AP5S1: variants seen among roughly 807,000 people sequenced by gnomAD.
AP5S1 encodes the protein adaptor related protein complex 5 subunit sigma 1, also known as AP-5 complex subunit sigma-1.
A neutral mutation model predicts 13.9 loss-of-function variants in AP5S1; 13 were observed. The observed-to-expected ratio is 0.94, with a 90% CI of 0.61 to 1.49. The LOEUF is 1.49. Ranked by LOEUF, AP5S1 falls within the 40% of genes most tolerant of loss-of-function variation. The pLI, the probability that AP5S1 is intolerant of heterozygous loss-of-function variation, is 0.00. For missense variants in AP5S1, 292 were observed against 272.3 expected (o/e 1.07, Z -0.51); for synonymous variants, 132 against 121.8 (o/e 1.08, Z -0.55).
intron 1 of AP5S1, chr20:3,821,824 T>G (rs1486939478): frequency 1.3e-6 from 1 of 760,314 alleles, no homozygotes; most frequent in African/African-American, 1.9e-5. Context: ...TTTGTAGAAC[T>G]AGGTTTAGGG....
intron 1 of AP5S1, 59 bp downstream of exon 1, chr20:3,820,817 TG>T (rs1249898439): frequency 2.6e-5 from 4 of 152,150 alleles, no homozygotes; most frequent in African/African-American, 9.7e-5. Flanking sequence ...CGGCGCGGAG[TG>T]ATGACGCGCT....
chr20:3,822,156 G>C lies in AP5S1; in HGVS notation c.39G>C (p.Pro13=), dbSNP rs140021524. ...TCCTCATTCACACCTTGAGGGCCCC[G>C]AATACTGAGGACACGGGCCTTTGCC... is the stretch of plus-strand genomic sequence containing the variant. ...HAFLIHTLRA[P]NTEDTGLCRV... The change falls in exon 2 of 3, where the codon CCG becomes CCC. Residue 13 remains proline (P), a synonymous_variant. Coordinates refer to ENST00000615891, the MANE Select transcript of AP5S1 (RefSeq NM_018347.3). 1.9e-6 allele frequency: 3 copies of C among 1,614,124 alleles called. No homozygotes were observed. Among genetic ancestry groups the C allele is most frequent in the South Asian group, 2.2e-5 (2 of 91,082 alleles).
rs2146727816 is a variant in AP5S1 at position 3,820,641 on chromosome 20, A to C, written c.-134A>C. On this transcript the variant is annotated 5_prime_UTR_variant, in exon 1 of 3. Transcript: ENST00000615891. ...TGAGGCGACGCCTCGACGACAGCGG[A>C]CCGGAGCTGCAGGGGCAACACATTC... The C allele has an allele frequency of 1.3e-5, 2 of 152,378 alleles. No homozygotes were observed. Among genetic ancestry groups the C allele is most frequent in the Admixed American group, 1.3e-4 (2 of 15,308 alleles). The allele number at this position is 152,378 out of a possible 1,614,324, so 9.4% of individuals were successfully genotyped here. A position where few individuals can be genotyped will look rare whatever the true frequency, so the allele number is the denominator to read the frequency against.
rs1404505907 is a variant in AP5S1, at chr20:3,824,245, A to T, written c.551A>T (p.Asp184Val). 1.9e-6 allele frequency: 3 copies of T among 1,613,902 alleles called. No homozygotes were observed. Among genetic ancestry groups the T allele is most frequent in the African/African-American group, 2.7e-5 (2 of 74,888 alleles). ...LPHGQLLFLN[D>V]QFVQGLEKEF... ...CATGGTCAGCTGCTTTTCCTCAACG[A>T]CCAGTTTGTCCAAGGCCTGGAGAAG... The change falls in exon 3 of 3, where the codon GAC becomes GTC. Residue 184 changes from aspartate (D) to valine (V), a missense_variant. Physicochemically the swap from Asp to Val is radical, Grantham distance 152. Transcript: ENST00000615891.
At position 3,825,432 on chromosome 20, in the gene AP5S1, ATC is replaced by A. The variant is rs748565035; in HGVS notation, c.*1140_*1141del. The stretch of plus-strand genomic sequence containing the variant: ...CTAGGAGGCTTCTTGGGATGCCTCC[ATC>A]TCTCATCCCCACCTCACCTCTGTCT... On this transcript the variant is annotated 3_prime_UTR_variant, in exon 3 of 3. Transcript: ENST00000615891. 6.6e-6 allele frequency: 1 copy of A among 152,246 alleles called. No individual in the cohort carries two copies. The highest frequency in any genetic ancestry group is 1.5e-5 in the Non-Finnish European group (1 of 68,072). 9.4% of individuals were successfully genotyped at this position (152,246 alleles called of 1,614,324 possible).
chr20:3,827,589 A>T lies in AP5S1; in HGVS notation c.*3292A>T, dbSNP rs947645939. ...ATGAAGTCACAGGTTTTAAGGCAGG[A>T]ACTGGCCTGCATGTATGTGGGTCAC... On this transcript the variant is annotated 3_prime_UTR_variant, in exon 3 of 3. Transcript: ENST00000615891. 5 of 152,050 alleles carry T rather than the reference A, an allele frequency of 3.3e-5. No homozygotes were observed. The highest frequency in any genetic ancestry group is 5.9e-5 in the Non-Finnish European group (4 of 68,038). 9.4% of individuals were successfully genotyped at this position (152,050 alleles called of 1,614,324 possible).
rs1472235406 is a variant in AP5S1 at position 3,826,233 on chromosome 20, G to A, written c.*1936G>A. 6.6e-6 allele frequency: 1 copy of A among 152,212 alleles called. No individual in the cohort carries two copies. Among genetic ancestry groups the A allele is most frequent in the Admixed American group, 6.5e-5 (1 of 15,270 alleles). The allele number at this position is 152,212 out of a possible 1,614,324, so 9.4% of individuals were successfully genotyped here. On this transcript the variant is annotated 3_prime_UTR_variant, in exon 3 of 3. Transcript: ENST00000615891. Reference sequence around the variant, plus strand: ...CCACCACTGTCAACATAATTGGGATGAGGCCACCTTTTCCATTTTATGGTG... The same window carrying A: ...CCACCACTGTCAACATAATTGGGATAAGGCCACCTTTTCCATTTTATGGTG...
chr20:3,821,273 A>G (rs1347126813), intron 1 of AP5S1, among the ~76,000 whole-genome samples: 3 of 152,198 alleles, frequency 2.0e-5, no homozygotes, highest in Admixed American at 2.0e-4. Flanking sequence ...ATCGGGTAAC[A>G]TTGGTCAAGA....
rs1057359140 is a variant in AP5S1 at position 3,824,303 on chromosome 20, C to T, written c.*6C>T. 1.2e-5 allele frequency: 19 copies of T among 1,606,734 alleles called. No homozygotes were observed. Among genetic ancestry groups the T allele is most frequent in the East Asian group, 1.1e-4 (5 of 44,750 alleles). ...GTGCCGCTTGGCCCCGCTGATTCCTCGTTGGGATGGTGCTTCTGAGGGCAG... is the reference window on the plus strand; with the variant it reads ...GTGCCGCTTGGCCCCGCTGATTCCTTGTTGGGATGGTGCTTCTGAGGGCAG... On this transcript the variant is annotated 3_prime_UTR_variant, in exon 3 of 3. Transcript: ENST00000615891.
rs1403148242 is a variant in AP5S1, at chr20:3,825,471, T to A, written c.*1174T>A. On this transcript the variant is annotated 3_prime_UTR_variant, in exon 3 of 3. Coordinates refer to ENST00000615891, the MANE Select transcript of AP5S1 (RefSeq NM_018347.3). ...CCTCACCTCTGTCTCCTTAGAGGCC[T>A]CCTTTGGATGGTGGCACACATTTCT... 1.3e-5 allele frequency: 2 copies of A among 152,278 alleles called. No homozygotes were observed. The highest frequency in any genetic ancestry group is 3.8e-4 in the East Asian group (2 of 5,206). 9.4% of individuals were successfully genotyped at this position (152,278 alleles called of 1,614,324 possible).
chr20:3,824,369 C>T lies in AP5S1; in HGVS notation c.*72C>T, dbSNP rs2089609840. On this transcript the variant is annotated 3_prime_UTR_variant, in exon 3 of 3. Transcript: ENST00000615891. The stretch of plus-strand genomic sequence containing the variant: ...ACAGCCAGATGAAGCTTGGCATCTC[C>T]CTCCTACCCAGCAGCTCTGATGTGC... 2.1e-6 allele frequency: 3 copies of T among 1,448,066 alleles called. No homozygotes were observed. The highest frequency in any genetic ancestry group is 1.9e-6 in the Non-Finnish European group (2 of 1,056,442). 89.7% of individuals were successfully genotyped at this position (1,448,066 alleles called of 1,614,324 possible).
chr20:3,826,192 C>T lies in AP5S1; in HGVS notation c.*1895C>T, dbSNP rs2089623660. 2 of 152,258 alleles carry T rather than the reference C, an allele frequency of 1.3e-5. No homozygotes were observed. The highest frequency in any genetic ancestry group is 1.5e-5 in the Non-Finnish European group (1 of 68,082). 9.4% of individuals were successfully genotyped at this position (152,258 alleles called of 1,614,324 possible). ...CAAGTCCATGGCCAAGGCCACCAGCCATGCCAGGCCTTCTACCACCACTGT... is the reference window on the plus strand; with the variant it reads ...CAAGTCCATGGCCAAGGCCACCAGCTATGCCAGGCCTTCTACCACCACTGT... On this transcript the variant is annotated 3_prime_UTR_variant, in exon 3 of 3. Transcript: ENST00000615891.
intron 2 of AP5S1, chr20:3,823,459 G>C (rs1340580131): frequency 1.3e-6 from 1 of 795,750 alleles, no homozygotes; most frequent in Non-Finnish European, 1.5e-6. Flanking sequence ...CACTATGTTA[G>C]CCAGGATGGT....
In AP5S1 at chr20:3,826,790, A is replaced by G. The variant is rs1326956167; in HGVS notation, c.*2493A>G. ...TTCCACCACAATTTATGCTCACCAT[A>G]TATTTATCGAGCCTCCCTTGGGCCT... is the stretch of plus-strand genomic sequence containing the variant. On this transcript the variant is annotated 3_prime_UTR_variant, in exon 3 of 3. Transcript: ENST00000615891. The G allele has an allele frequency of 6.6e-6, 1 of 152,212 alleles. No individual in the cohort carries two copies. The highest frequency in any genetic ancestry group is 1.5e-5 in the Non-Finnish European group (1 of 68,104). The allele number at this position is 152,212 out of a possible 1,614,324, so 9.4% of individuals were successfully genotyped here. A position where few individuals can be genotyped will look rare whatever the true frequency, so the allele number is the denominator to read the frequency against.
rs1319939006 is a variant in AP5S1 at position 3,825,164 on chromosome 20, A to T, written c.*867A>T. ...CTCCTTTTGTGCCAAGCCCGTTCCC[A>T]CCAGGCAGGCTCGAGATAAAGTCAT... is the stretch of plus-strand genomic sequence containing the variant. On this transcript the variant is annotated 3_prime_UTR_variant, in exon 3 of 3. Transcript: ENST00000615891. 3 of 152,230 alleles carry T rather than the reference A, an allele frequency of 2.0e-5. No individual in the cohort carries two copies. The highest frequency in any genetic ancestry group is 7.2e-5 in the African/African-American group (3 of 41,446). 9.4% of individuals were successfully genotyped at this position (152,230 alleles called of 1,614,324 possible). A position where few individuals can be genotyped will look rare whatever the true frequency, so the allele number is the denominator to read the frequency against.
Position 3,822,179 on chromosome 20 carries a change from G to GC in AP5S1, c.64dup (p.Arg22ProfsTer11). On this transcript the variant is annotated frameshift_variant, in exon 2 of 3. Coordinates refer to ENST00000615891, the MANE Select transcript of AP5S1 (RefSeq NM_018347.3). LOFTEE classifies it high-confidence loss of function. ...CCGAATACTGAGGACACGGGCCTTT[G>GC]CCGAGTGCTGTACTCCTGCGTCTTC... is the stretch of plus-strand genomic sequence containing the variant. 1 of 1,614,160 alleles carries GC rather than the reference G, an allele frequency of 6.2e-7. No individual in the cohort carries two copies. Among genetic ancestry groups the GC allele is most frequent in the South Asian group, 1.1e-5 (1 of 91,074 alleles).
intron 1 of AP5S1, chr20:3,821,877 T>C: frequency 2.1e-6 from 2 of 950,288 alleles, no homozygotes; most frequent in Non-Finnish European, 2.5e-6. Context: ...TTTTCTTTTT[T>C]CTTTTTTTTT....
intron 2 of AP5S1, chr20:3,823,543 G>A (rs916716776): frequency 3.2e-5 from 32 of 985,268 alleles, no homozygotes; most frequent in Non-Finnish European, 3.6e-5. Flanking sequence ...GAGCCACCGC[G>A]CCTGGCCAAG....
intron 1 of AP5S1, chr20:3,821,871 C>G (rs991883600): frequency 1.1e-6 from 1 of 917,674 alleles, no homozygotes; most frequent in Admixed American, 6.5e-5. Flanking sequence ...GTTTGTTTTT[C>G]TTTTTTCTTT....
Sources: allele counts gnomAD v4.1 joint callset (sites outside exome capture counted in the v4.1 genomes callset), GRCh38; gene constraint gnomAD v4.1.1; transcripts MANE v1.5; gene names NCBI Gene and HGNC (gene_info 2026-07-23, HGNC 2026-07-21).